Variants in LY96 observed in about 807,000 individuals in gnomAD.
LY96 encodes the protein lymphocyte antigen 96, also known as myeloid differentiation protein-2.
A neutral mutation model predicts 18.9 loss-of-function variants in LY96; 18 were observed. The observed-to-expected ratio is 0.95, with a 90% confidence interval of 0.66 to 1.41. LY96 has a LOEUF of 1.41. Among genes scored for constraint, LY96 ranks in the 40% most tolerant of loss-of-function variants. LY96 has a pLI of 0.00. For missense variants in LY96, 175 were observed against 182.4 expected (o/e 0.96, Z 0.23); for synonymous variants, 66 against 62.6 (o/e 1.06, Z -0.26).
the LY96 span, among the ~76,000 whole-genome samples, chr8:74,057,853 G>C: frequency 1.2e-3 from 178 of 152,318 alleles, 1 homozygote; most frequent in Non-Finnish European, 2.3e-3. Context: ...CAGGGGATGA[G>C]GTGTTAGCAT....
chr8:74,059,747 G>A, the LY96 span, among the ~76,000 whole-genome samples: 1 of 152,172 alleles, frequency 6.6e-6, no homozygotes, highest in Non-Finnish European at 1.5e-5. Context: ...ACTATTAGGA[G>A]AACAGCTTTA....
the LY96 span, among the ~76,000 whole-genome samples, chr8:74,045,431 T>A: frequency 6.6e-6 from 1 of 152,308 alleles, no homozygotes; most frequent in East Asian, 1.9e-4. Flanking sequence ...ATTTTAAGGT[T>A]CTAGGTCTAC....
intron 1 of LY96, among the ~76,000 whole-genome samples, chr8:74,002,594 C>CAG (rs1816320001): frequency 7.0e-6 from 1 of 142,674 alleles, no homozygotes; most frequent in South Asian, 2.2e-4. Context: ...TTTTTTGAGA[C>CAG]AGAGTCTTGT....
At chr8:74,089,522 C>T in the LY96 span, among the ~76,000 whole-genome samples, 24 of 152,282 alleles carry the variant, frequency 1.6e-4, 1 homozygote, top group South Asian at 3.5e-3. Context: ...TCACTGCCCT[C>T]GGGAACCAGG....
intron 1 of LY96, among the ~76,000 whole-genome samples, chr8:73,995,387 C>A (rs75724780): frequency 0.014 from 2,201 of 152,294 alleles, 42 homozygotes; most frequent in African/African-American, 0.049. Context: ...ACATCCCTGG[C>A]GTTTCTTTGT....
intron 1 of LY96, among the ~76,000 whole-genome samples, chr8:73,997,173 C>A (rs1383772509): frequency 6.6e-6 from 1 of 152,212 alleles, no homozygotes; most frequent in Non-Finnish European, 1.5e-5. Flanking sequence ...CTGTTTCTGT[C>A]TAAGTCTTCT....
At chr8:74,089,700 G>A in the LY96 span, among the ~76,000 whole-genome samples, 16 of 149,380 alleles carry the variant, frequency 1.1e-4, no homozygotes, top group Admixed American at 6.7e-5. Flanking sequence ...ATGAACAGGC[G>A]AGTGCCTGCA....
At chr8:74,038,518 TA>T in the LY96 span, among the ~76,000 whole-genome samples, 3 of 152,226 alleles carry the variant, frequency 2.0e-5, no homozygotes, top group African/African-American at 7.2e-5. Context: ...TTGCAAATAA[TA>T]GGATCTTATT....
chr8:74,010,888 A>G (rs2131269093), intron 3 of LY96, among the ~76,000 whole-genome samples: 1 of 149,160 alleles, frequency 6.7e-6, no homozygotes. Context: ...TGGAAAAAAA[A>G]AATCCCTTAG....
the LY96 span, chr8:74,056,045 A>G: frequency 6.4e-6 from 1 of 157,250 alleles, no homozygotes. Flanking sequence ...GATACAAGGA[A>G]CAAAAACTGC....
At chr8:74,076,047 A>G in the LY96 span, among the ~76,000 whole-genome samples, 1 of 152,008 alleles carries the variant, frequency 6.6e-6, no homozygotes, top group Non-Finnish European at 1.5e-5. Flanking sequence ...TCAGGCCAAT[A>G]GCTGGACCTT....
chr8:74,011,965 G>A (rs1816542312), intron 3 of LY96, among the ~76,000 whole-genome samples: 1 of 120,146 alleles, frequency 8.3e-6, no homozygotes, highest in Non-Finnish European at 1.7e-5. Flanking sequence ...AATCATCAGA[G>A]AAAAGCAAAT....
At chr8:73,996,520 C>T (rs1235200061) in intron 1 of LY96, among the ~76,000 whole-genome samples, 1 of 151,504 alleles carries the variant, frequency 6.6e-6, no homozygotes, top group Non-Finnish European at 1.5e-5. Flanking sequence ...CAGGTTCAAG[C>T]GATTTTCGTG....
chr8:74,023,329 C>T (rs528880274), intron 3 of LY96, among the ~76,000 whole-genome samples: 81 of 152,308 alleles, frequency 5.3e-4, no homozygotes, highest in African/African-American at 1.8e-3. Context: ...CACCACAGCC[C>T]TGTTCAGCAG....
chr8:73,994,948 G>T (rs1183546550), intron 1 of LY96, among the ~76,000 whole-genome samples: 1 of 152,182 alleles, frequency 6.6e-6, no homozygotes, highest in Admixed American at 6.5e-5. Flanking sequence ...GCTTACTGCT[G>T]TGTTTTGAAT....
At chr8:74,065,924 A>C in the LY96 span, among the ~76,000 whole-genome samples, 7,108 of 152,280 alleles carry the variant, frequency 0.047, 419 homozygotes, top group African/African-American at 0.13. Flanking sequence ...ATTGTTAACA[A>C]GTTATACATG....
At chr8:74,041,457 G>T in the LY96 span, among the ~76,000 whole-genome samples, 1 of 152,208 alleles carries the variant, frequency 6.6e-6, no homozygotes, top group African/African-American at 2.4e-5. Flanking sequence ...TGCCTGTGGG[G>T]TTGGGCAGAA....
chr8:73,994,668 G>A (rs1000109375), intron 1 of LY96, among the ~76,000 whole-genome samples: 2 of 152,108 alleles, frequency 1.3e-5, no homozygotes, highest in African/African-American at 4.8e-5. Context: ...TAAGTTTTTT[G>A]TAGTGATGGG....
At chr8:74,029,730 G>A (rs182473184), downstream of LY96, among the ~76,000 whole-genome samples, 1 of 152,196 alleles carries the variant, frequency 6.6e-6, no homozygotes, top group East Asian at 1.9e-4. Context: ...CACCATCTCG[G>A]CTCACTGCAA....
Sources: allele counts gnomAD v4.1 joint callset (sites outside exome capture counted in the v4.1 genomes callset), GRCh38; gene constraint gnomAD v4.1.1; transcripts MANE v1.5; gene names NCBI Gene and HGNC (gene_info 2026-07-23, HGNC 2026-07-21).